KCNIP3: variants seen among roughly 807,000 people sequenced by gnomAD.
KCNIP3 encodes the protein calsenilin.
KCNIP3 carries 28 observed loss-of-function variants against 35.0 expected under a neutral mutation model. The ratio of observed to expected loss-of-function variants is 0.80; its 90% CI spans 0.59 to 1.10. KCNIP3 has a LOEUF of 1.10. Among genes scored for constraint, KCNIP3 ranks in the 50% least tolerant of loss-of-function variants. The pLI, the probability that KCNIP3 is intolerant of heterozygous loss-of-function variation, is 0.00. For synonymous variants in KCNIP3, 134 were observed against 133.8 expected (o/e 1.00, Z -0.01); for missense variants, 295 against 338.4 (o/e 0.87, Z 1.01).
At chr2:95,369,309 C>G (rs1679987267) in intron 2 of KCNIP3, among the ~76,000 whole-genome samples, 1 of 151,960 alleles carries the variant, frequency 6.6e-6, no homozygotes, top group African/African-American at 2.4e-5. Flanking sequence ...CTGGAAAACC[C>G]CTCTTGGTGT....
intron 1 of KCNIP3, among the ~76,000 whole-genome samples, chr2:95,308,636 C>T (rs1429949901): frequency 1.3e-5 from 2 of 152,188 alleles, no homozygotes; most frequent in Admixed American, 1.3e-4. Context: ...AGCAGCAGAG[C>T]CCTGTCGCTG....
intron 1 of KCNIP3, among the ~76,000 whole-genome samples, chr2:95,304,153 G>A (rs1206739080): frequency 6.6e-6 from 1 of 152,212 alleles, no homozygotes; most frequent in Non-Finnish European, 1.5e-5. Context: ...CTCAGCCACA[G>A]AGAGAAACAT....
At position 95,375,208 on chromosome 2, in the gene KCNIP3, G is replaced by C; in HGVS notation, c.447G>C (p.Glu149Asp). 6.2e-7 allele frequency: 1 copy of C among 1,614,046 alleles called. No homozygotes were observed. Among genetic ancestry groups the C allele is most frequent in the Non-Finnish European group, 8.5e-7 (1 of 1,179,894 alleles). Reference protein sequence around the residue: ...DADGNGAIHFEDFVVGLSILL... With the variant: ...DADGNGAIHFDDFVVGLSILL... ...ACGGGAACGGGGCCATCCACTTTGA[G>C]GTAGGTCCTCGCGGATTCCTCCCAC... Residue 149 changes from glutamate to aspartate, a missense_variant and splice_region_variant, in exon 5 of 9, where the codon GAG becomes GAC. Physicochemically the swap from Glu to Asp is conservative, Grantham distance 45. Coordinates refer to ENST00000295225, the MANE Select transcript of KCNIP3 (RefSeq NM_013434.5).
intron 1 of KCNIP3, among the ~76,000 whole-genome samples, chr2:95,306,634 G>A (rs1300525935): frequency 2.0e-5 from 3 of 152,066 alleles, no homozygotes; most frequent in Admixed American, 6.6e-5. Flanking sequence ...GGAGCAGCAG[G>A]TGCCAAGGCG....
At chr2:95,357,451 C>T (rs1679682171) in intron 2 of KCNIP3, among the ~76,000 whole-genome samples, 1 of 152,188 alleles carries the variant, frequency 6.6e-6, no homozygotes, top group Admixed American at 6.5e-5. Flanking sequence ...CAGCCAGAGG[C>T]ACCAGTGGGC....
At chr2:95,383,346 G>C (rs753797223) in intron 8 of KCNIP3, 52 bp downstream of exon 8, 2 of 1,578,758 alleles carry the variant, frequency 1.3e-6, no homozygotes, top group South Asian at 2.3e-5. Context: ...CTACACGGAG[G>C]TGGGTGGTTG....
intron 2 of KCNIP3, chr2:95,347,270 G>T: frequency 1.5e-6 from 1 of 669,508 alleles, no homozygotes; most frequent in South Asian, 1.9e-5. Flanking sequence ...GGTTGGGCCT[G>T]GGACTAAGGA....
rs1186091418 is a variant in KCNIP3 at position 95,383,263 on chromosome 2, C to T, written c.692C>T (p.Thr231Ile). ...KMDRNQDGVVTIEEFLEACQK... is the reference protein window; with the variant it reads ...KMDRNQDGVVIIEEFLEACQK... ...GACCGGAACCAGGATGGGGTAGTGA[C>T]CATTGAAGAGTTCCTGGAGGCCTGT... The change falls in exon 8 of 9, where the codon ACC becomes ATC. Residue 231 changes from threonine (T) to isoleucine (I), a missense_variant. By Grantham distance (89) the Thr-to-Ile change is moderately conservative. Transcript: ENST00000295225. 1.9e-6 allele frequency: 3 copies of T among 1,613,838 alleles called. No individual in the cohort carries two copies. Among genetic ancestry groups the T allele is most frequent in the Non-Finnish European group, 2.5e-6 (3 of 1,179,876 alleles).
intron 2 of KCNIP3, among the ~76,000 whole-genome samples, chr2:95,321,541 C>T (rs1302798151): frequency 1.3e-5 from 2 of 152,182 alleles, no homozygotes; most frequent in Non-Finnish European, 2.9e-5. Context: ...ATTGACACAG[C>T]GTCATTCTGA....
intron 2 of KCNIP3, chr2:95,368,824 G>A: frequency 4.6e-6 from 1 of 215,820 alleles, no homozygotes; most frequent in Non-Finnish European, 1.1e-5. Context: ...GACCCTTCAT[G>A]TCGTCATCAG....
Position 95,370,344 on chromosome 2 carries a change from A to T in KCNIP3, c.182-3952A>T, listed in dbSNP as rs577179580. Among the ~76,000 whole-genome samples, 7 of 152,146 alleles carry T rather than the reference A, an allele frequency of 4.6e-5. No individual in the cohort carries two copies. The South Asian group carries it at 1.4e-3, about 32-fold the overall frequency. On this transcript the variant is annotated intron_variant, in intron 2 of 8. Coordinates refer to ENST00000295225, the MANE Select transcript of KCNIP3 (RefSeq NM_013434.5). ...GCTTTGTCAGAGTAGGTTTGTTTTG[A>T]CTTTGTCATTGGGTCTAGAGCATGC...
At chr2:95,310,629 A>G (rs781765914) in intron 2 of KCNIP3, 109 bp downstream of exon 2, 1 of 1,185,876 alleles carries the variant, frequency 8.4e-7, no homozygotes, top group South Asian at 1.3e-5. Context: ...CCTGGGCTAC[A>G]TCGCCCCTGT....
chr2:95,372,271 C>T (rs530392174), intron 2 of KCNIP3, among the ~76,000 whole-genome samples: 1 of 152,162 alleles, frequency 6.6e-6, no homozygotes, highest in Admixed American at 6.5e-5. Flanking sequence ...GCACAGTTCT[C>T]CCCAGTGTGC....
intron 2 of KCNIP3, among the ~76,000 whole-genome samples, chr2:95,332,395 C>A (rs1678954104): frequency 1.3e-5 from 2 of 152,244 alleles, no homozygotes; most frequent in African/African-American, 2.4e-5. Context: ...GGGTGGATGA[C>A]CTGAGGTCAG....
At chr2:95,323,487 A>C (rs1573489464) in intron 2 of KCNIP3, among the ~76,000 whole-genome samples, 1 of 151,318 alleles carries the variant, frequency 6.6e-6, no homozygotes, top group Non-Finnish European at 1.5e-5. Context: ...AGGCCTGGCC[A>C]CCCCTCCAGG....
chr2:95,379,925 TTGTGC>T (rs1421493538), intron 5 of KCNIP3, among the ~76,000 whole-genome samples: 4 of 152,250 alleles, frequency 2.6e-5, no homozygotes, highest in Admixed American at 2.6e-4. Flanking sequence ...TTTTCATGCA[TTGTGC>T]CAAGCCTTGG....
chr2:95,311,384 C>T (rs1157348192), intron 2 of KCNIP3: 1 of 152,262 alleles, frequency 6.6e-6, no homozygotes, highest in Non-Finnish European at 1.5e-5. Context: ...AAGAGTCTGC[C>T]TCTGACTTTA....
intron 2 of KCNIP3, among the ~76,000 whole-genome samples, chr2:95,344,352 A>G (rs1679294015): frequency 6.6e-6 from 1 of 151,814 alleles, no homozygotes; most frequent in South Asian, 2.1e-4. Flanking sequence ...GTGTGATAAG[A>G]CCCTCAGCCC....
At chr2:95,301,516 T>A (rs1678026800) in intron 1 of KCNIP3, among the ~76,000 whole-genome samples, 1 of 152,246 alleles carries the variant, frequency 6.6e-6, no homozygotes, top group South Asian at 2.1e-4. Flanking sequence ...TGTGCCACTG[T>A]GTCCTCATTT....
Sources: allele counts gnomAD v4.1 joint callset (sites outside exome capture counted in the v4.1 genomes callset), GRCh38; gene constraint gnomAD v4.1.1; transcripts MANE v1.5; gene names NCBI Gene and HGNC (gene_info 2026-07-23, HGNC 2026-07-21).